The following JARID2 variants were observed in gnomAD, a reference collection of about 807,000 sequenced individuals.
JARID2 encodes protein Jumonji.
In JARID2, 21 loss-of-function variants were observed where a neutral mutation model predicts 125.6. That is an observed-to-expected ratio of 0.17 (90% CI 0.12 to 0.24). The LOEUF is 0.24. Ranked by LOEUF, JARID2 falls within the 10% of genes least tolerant of loss-of-function variation. The probability of loss-of-function intolerance (pLI) is 1.00; values close to 1 mark genes in which losing one functional copy is unlikely to be tolerated. For missense variants in JARID2, 1,303 were observed against 1,639.6 expected, an observed-to-expected ratio of 0.79 and a Z score of 3.55; for synonymous variants, 736 against 661.6, an observed-to-expected ratio of 1.11 and a Z score of -1.73.
At chr6:15,317,863 C>T (rs899829524) in intron 1 of JARID2, among the ~76,000 whole-genome samples, 3 of 152,138 alleles carry the variant, frequency 2.0e-5, no homozygotes, top group East Asian at 1.9e-4. Flanking sequence ...ATACCAGACC[C>T]GCTCCCACAA....
chr6:15,397,157 A>G (rs1439938004), intron 2 of JARID2, among the ~76,000 whole-genome samples: 1 of 152,220 alleles, frequency 6.6e-6, no homozygotes, highest in African/African-American at 2.4e-5. Context: ...TATTATTACT[A>G]TACTGCTGTC....
At chr6:15,456,878 C>CTTTTTTTTTT (rs71535043) in intron 4 of JARID2, among the ~76,000 whole-genome samples, 16 of 95,676 alleles carry the variant, frequency 1.7e-4, no homozygotes, top group African/African-American at 3.3e-4. Flanking sequence ...GGATGTTAAG[C>CTTTTTTTTTT]TTTTTTTTTT....
At chr6:15,489,813 C>G (rs963269747) in intron 6 of JARID2, among the ~76,000 whole-genome samples, 3 of 152,214 alleles carry the variant, frequency 2.0e-5, no homozygotes, top group Non-Finnish European at 4.4e-5. Flanking sequence ...TGTGCTCATG[C>G]AGGGCATCCT....
At chr6:15,336,313 C>T (rs927073423) in intron 1 of JARID2, among the ~76,000 whole-genome samples, 3 of 152,220 alleles carry the variant, frequency 2.0e-5, no homozygotes, top group Non-Finnish European at 4.4e-5. Flanking sequence ...AGTAATATTT[C>T]GCTATTGCGA....
At chr6:15,456,805 A>G (rs1429529918) in intron 4 of JARID2, among the ~76,000 whole-genome samples, 2 of 151,268 alleles carry the variant, frequency 1.3e-5, no homozygotes, top group Non-Finnish European at 2.9e-5. Context: ...CAAAGGTTAC[A>G]TAGTGATCCC....
intron 6 of JARID2, among the ~76,000 whole-genome samples, chr6:15,494,362 C>T (rs1331190715): frequency 1.3e-5 from 2 of 148,546 alleles, no homozygotes; most frequent in South Asian, 2.1e-4. Context: ...GTGTTTACAT[C>T]AGCCCTCTAG....
chr6:15,315,582 T>G (rs1762152358), intron 1 of JARID2, among the ~76,000 whole-genome samples: 2 of 152,198 alleles, frequency 1.3e-5, no homozygotes, highest in Non-Finnish European at 2.9e-5. Flanking sequence ...GTGACTGGAC[T>G]ACCTGAATAA....
intron 1 of JARID2, among the ~76,000 whole-genome samples, chr6:15,277,976 A>G (rs1273352393): frequency 6.6e-6 from 1 of 152,164 alleles, no homozygotes; most frequent in Non-Finnish European, 1.5e-5. Flanking sequence ...GGTTGGGCGC[A>G]GTGGTTCATG....
chr6:15,324,654 T>G (rs4715973), intron 1 of JARID2, among the ~76,000 whole-genome samples: 126,405 of 146,952 alleles, frequency 0.86, 54,253 homozygotes, highest in South Asian at 0.92. Flanking sequence ...TTTTTGTGTT[T>G]TTTTTTTTTT....
chr6:15,520,508 A>G lies in JARID2; in HGVS notation c.*257A>G, dbSNP rs1691138605. On this transcript the variant is annotated 3_prime_UTR_variant, in exon 18 of 18. Coordinates refer to ENST00000341776, the MANE Select transcript of JARID2 (RefSeq NM_004973.4). ...TAAAAACCCCGGAGGGGCTGTATTA[A>G]TTTGTATTGCCCCATGGCTGACAAA... 1 of 395,764 alleles carries G rather than the reference A, an allele frequency of 2.5e-6. No individual in the cohort carries two copies. The highest frequency in any genetic ancestry group is 4.6e-6 in the Non-Finnish European group (1 of 219,734). The allele number at this position is 395,764 out of a possible 1,614,324, so 24.5% of individuals were successfully genotyped here.
At chr6:15,344,597 T>A (rs1763186787) in intron 1 of JARID2, among the ~76,000 whole-genome samples, 1 of 152,084 alleles carries the variant, frequency 6.6e-6, no homozygotes, top group Admixed American at 6.6e-5. Context: ...AACATTCCCA[T>A]TCCTCAGTCT....
intron 2 of JARID2, among the ~76,000 whole-genome samples, chr6:15,397,328 T>A (rs1765255717): frequency 6.6e-6 from 1 of 152,210 alleles, no homozygotes; most frequent in South Asian, 2.1e-4. Flanking sequence ...TGGCTGATGC[T>A]GTATGATCAT....
chr6:15,436,259 G>A (rs572805183), intron 3 of JARID2, among the ~76,000 whole-genome samples: 13 of 152,266 alleles, frequency 8.5e-5, no homozygotes, highest in Middle Eastern at 6.8e-3. Context: ...GAGAATGATC[G>A]CAAGGTTTTA....
chr6:15,343,541 G>A (rs890090207), intron 1 of JARID2, among the ~76,000 whole-genome samples: 4 of 152,136 alleles, frequency 2.6e-5, no homozygotes, highest in Admixed American at 6.5e-5. Flanking sequence ...ATAGTCTCTT[G>A]CTATAAAATT....
intron 5 of JARID2, among the ~76,000 whole-genome samples, chr6:15,474,230 A>T (rs1042614361): frequency 1.8e-4 from 28 of 152,250 alleles, no homozygotes; most frequent in African/African-American, 6.5e-4. Context: ...TGATCATCTC[A>T]TCCAAAATTG....
chr6:15,455,368 C>A (rs1265023831), intron 4 of JARID2, among the ~76,000 whole-genome samples: 3 of 151,984 alleles, frequency 2.0e-5, no homozygotes, highest in Non-Finnish European at 4.4e-5. Flanking sequence ...TATCTCATCT[C>A]AAACATTTAT....
Position 15,452,001 on chromosome 6 carries a change from T to G in JARID2, c.324-5T>G. ...TTTATTTTTAATTTTCTTTTGCTTT[T>G]GCAGGCCCAGGCTGCAAGCACAAAG... On this transcript the variant is annotated splice_polypyrimidine_tract_variant and splice_region_variant and intron_variant, in intron 3 of 17. Transcript: ENST00000341776. 4 of 1,611,682 alleles carry G rather than the reference T, an allele frequency of 2.5e-6. No homozygotes were observed. The highest frequency in any genetic ancestry group is 3.4e-6 in the Non-Finnish European group (4 of 1,179,158).
At chr6:15,306,889 AATTAC>A (rs1195462054) in intron 1 of JARID2, among the ~76,000 whole-genome samples, 1 of 148,180 alleles carries the variant, frequency 6.7e-6, no homozygotes, top group Admixed American at 6.8e-5. Context: ...ATTTTATATT[AATTAC>A]ATTATTATAT....
intron 1 of JARID2, among the ~76,000 whole-genome samples, chr6:15,334,104 G>A (rs574443004): frequency 1.3e-5 from 2 of 152,334 alleles, no homozygotes; most frequent in African/African-American, 4.8e-5. Flanking sequence ...AGTCTGTACG[G>A]TTGTGCAAAC....
Sources: gnomAD v4.1 joint callset for allele counts (sites outside exome capture counted in the v4.1 genomes callset) on GRCh38, gnomAD v4.1.1 for gene constraint, MANE v1.5 for transcripts, NCBI Gene and HGNC (gene_info 2026-07-23, HGNC 2026-07-21) for gene names.